The following PTPRG variants were observed in gnomAD, a reference collection of about 807,000 sequenced individuals.
PTPRG encodes receptor-type tyrosine-protein phosphatase gamma.
In PTPRG, 102 loss-of-function variants were observed where a neutral mutation model predicts 165.3. The observed-to-expected ratio is 0.62, with a 90% confidence interval of 0.53 to 0.73. The LOEUF (loss-of-function observed/expected upper bound fraction) is 0.73, where lower values mean the gene tolerates loss of function less well. Ranked by LOEUF, PTPRG falls within the 30% of genes least tolerant of loss-of-function variation. PTPRG has a pLI of 0.00. For missense variants in PTPRG, 1,866 were observed against 1,861.4 expected (o/e 1.00, Z -0.05); for synonymous variants, 675 against 669.5 (o/e 1.01, Z -0.13).
chr3:61,863,016 A>G (rs1336345423), intron 2 of PTPRG, among the ~76,000 whole-genome samples: 3 of 151,754 alleles, frequency 2.0e-5, no homozygotes, highest in Admixed American at 1.3e-4. Flanking sequence ...AATAAAATCT[A>G]TGAGGGCGAA....
At chr3:62,053,214 G>A (rs1464133998) in intron 4 of PTPRG, among the ~76,000 whole-genome samples, 1 of 150,338 alleles carries the variant, frequency 6.7e-6, no homozygotes, top group Non-Finnish European at 1.5e-5. Context: ...CTCTCCAAAG[G>A]AAATCAGTAA....
chr3:61,899,249 T>G (rs2038438464), intron 2 of PTPRG, among the ~76,000 whole-genome samples: 2 of 152,180 alleles, frequency 1.3e-5, no homozygotes, highest in South Asian at 2.1e-4. Context: ...AAATGATGGT[T>G]AGTTCTGATA....
intron 2 of PTPRG, among the ~76,000 whole-genome samples, chr3:61,795,739 T>A (rs1254826248): frequency 1.3e-5 from 2 of 151,346 alleles, no homozygotes; most frequent in Non-Finnish European, 2.9e-5. Context: ...TTGGCATAAG[T>A]GCTTAGTATA....
At chr3:62,109,076 T>C (rs1702575964) in intron 5 of PTPRG, among the ~76,000 whole-genome samples, 1 of 152,174 alleles carries the variant, frequency 6.6e-6, no homozygotes, top group Admixed American at 6.5e-5. Flanking sequence ...ATTTTGACTT[T>C]TGTTGCCATT....
At chr3:61,912,120 T>A (rs1468119520) in intron 2 of PTPRG, among the ~76,000 whole-genome samples, 2 of 152,164 alleles carry the variant, frequency 1.3e-5, no homozygotes, top group Non-Finnish European at 2.9e-5. Flanking sequence ...TTATGAAGTA[T>A]TTTTGTAGCC....
At chr3:62,076,340 C>T (rs1207285757) in intron 4 of PTPRG, among the ~76,000 whole-genome samples, 1 of 151,984 alleles carries the variant, frequency 6.6e-6, no homozygotes, top group Admixed American at 6.6e-5. Context: ...TGTTGAGCAT[C>T]GATGAGGTCT....
At chr3:62,218,790 C>G (rs988098248) in intron 12 of PTPRG, 61 bp from the exon 13 acceptor site, 4 of 1,549,186 alleles carry the variant, frequency 2.6e-6, no homozygotes, top group Admixed American at 3.7e-5. Context: ...AACTCTGCAT[C>G]AATTCTGGCT....
Position 61,822,683 on chromosome 3 carries a change from A to G in PTPRG, c.190+73701A>G, listed in dbSNP as rs537458301. Among the ~76,000 whole-genome samples the G allele has an allele frequency of 1.3e-3, 203 of 152,334 alleles. 2 individuals carry two copies. Among genetic ancestry groups the G allele is most frequent in the Non-Finnish European group, 2.5e-4 (17 of 68,030 alleles). Reference sequence around the variant, plus strand: ...TAGAGATTTTCTTTCCAATTTAAGCAAGGAGGAATTTTCCAATGTGAAGCT... The same window carrying G: ...TAGAGATTTTCTTTCCAATTTAAGCGAGGAGGAATTTTCCAATGTGAAGCT... On this transcript the variant is annotated intron_variant, in intron 2 of 29. Transcript: ENST00000474889.
intron 5 of PTPRG, among the ~76,000 whole-genome samples, chr3:62,126,917 G>T (rs1703314002): frequency 6.6e-6 from 1 of 152,300 alleles, no homozygotes; most frequent in Non-Finnish European, 1.5e-5. Flanking sequence ...CATTGCAGCA[G>T]TGATAAGAGA....
intron 4 of PTPRG, among the ~76,000 whole-genome samples, chr3:62,035,437 T>C (rs1292586823): frequency 1.3e-5 from 2 of 152,206 alleles, no homozygotes; most frequent in Non-Finnish European, 2.9e-5. Context: ...AATAATGCAT[T>C]AAAGTGTCAG....
chr3:62,247,326 A>T (rs1701309494), intron 15 of PTPRG, among the ~76,000 whole-genome samples: 1 of 152,166 alleles, frequency 6.6e-6, no homozygotes, highest in South Asian at 2.1e-4. Context: ...TACGACTGTA[A>T]CAGTTTTCAT....
intron 2 of PTPRG, among the ~76,000 whole-genome samples, chr3:61,778,252 G>C (rs926617044): frequency 7.2e-5 from 11 of 152,066 alleles, no homozygotes; most frequent in Admixed American, 2.6e-4. Context: ...GGGGCTCAAG[G>C]GCTCCTGTTA....
chr3:62,273,931 A>C lies in PTPRG; in HGVS notation c.3465+87A>C. The C allele has an allele frequency of 7.7e-7, 1 of 1,295,720 alleles. No homozygotes were observed. Among genetic ancestry groups the C allele is most frequent in the Non-Finnish European group, 1.1e-6 (1 of 918,716 alleles). 80.3% of individuals were successfully genotyped at this position (1,295,720 alleles called of 1,614,324 possible). ...TGGGGGTTATGTCTTCTTTGCATTA[A>C]TGTATACACCGAAATGGATTACTAT... On this transcript the variant is annotated intron_variant, in intron 23 of 29. Coordinates refer to ENST00000474889, the MANE Select transcript of PTPRG (RefSeq NM_002841.4). This position sits in a 1 kb window ranked among gnomAD's most constrained non-coding sequence, Gnocchi z 4.1.
intron 10 of PTPRG, among the ~76,000 whole-genome samples, chr3:62,198,584 T>G (rs1700024529): frequency 6.6e-6 from 1 of 152,180 alleles, no homozygotes; most frequent in Admixed American, 6.5e-5. Context: ...TTTAGATAAA[T>G]AAGTGAAATA....
chr3:61,895,743 T>C (rs1298402940), intron 2 of PTPRG, among the ~76,000 whole-genome samples: 1 of 152,278 alleles, frequency 6.6e-6, no homozygotes, highest in African/African-American at 2.4e-5. Flanking sequence ...TATTTAGTGA[T>C]GTGATGTCAC....
At chr3:61,627,899 A>T (rs529729761) in intron 1 of PTPRG, among the ~76,000 whole-genome samples, 12 of 152,338 alleles carry the variant, frequency 7.9e-5, no homozygotes, top group African/African-American at 2.6e-4. Flanking sequence ...AATGTTTTGC[A>T]GCTTCATTGT....
chr3:62,157,164 G>T lies in PTPRG; in HGVS notation c.780G>T (p.Pro260=). 1 of 1,613,954 alleles carries T rather than the reference G, an allele frequency of 6.2e-7. No individual in the cohort carries two copies. The highest frequency in any genetic ancestry group is 8.5e-7 in the Non-Finnish European group (1 of 1,179,890). Residue 260 remains proline (P), a synonymous_variant, in exon 7 of 30, where the codon CCG becomes CCT. Coordinates refer to ENST00000474889, the MANE Select transcript of PTPRG (RefSeq NM_002841.4). ...YRYTGSLTTP[P]CSEIVEWIVF... ...ACACAGGTTCCTTGACCACACCACC[G>T]TGTAGCGAAATAGTGGAGTGGATAG...
intron 2 of PTPRG, among the ~76,000 whole-genome samples, chr3:61,835,412 C>A (rs2036428297): frequency 6.6e-6 from 1 of 152,168 alleles, no homozygotes; most frequent in South Asian, 2.1e-4. Context: ...CAGCTCACTG[C>A]AACCTCTGCC....
chr3:61,889,588 CTGT>C (rs1343051929), intron 2 of PTPRG, among the ~76,000 whole-genome samples: 2 of 152,150 alleles, frequency 1.3e-5, no homozygotes, highest in Non-Finnish European at 2.9e-5. Context: ...ATATGAAAAG[CTGT>C]TGTTATTATT....
Sources: gnomAD v4.1 joint callset for allele counts (sites outside exome capture counted in the v4.1 genomes callset) on GRCh38, gnomAD v4.1.1 for gene constraint, Gnocchi (gnomAD v3.1) non-coding constraint, MANE v1.5 for transcripts, NCBI Gene and HGNC (gene_info 2026-07-23, HGNC 2026-07-21) for gene names.